FAF1: variants seen among roughly 807,000 people sequenced by gnomAD.
The protein encoded by FAF1 is FAS-associated factor 1.
Under a neutral mutation model 92.5 loss-of-function variants are expected in FAF1, and 25 were observed. The observed-to-expected ratio is 0.27, with a 90% CI of 0.20 to 0.38. The LOEUF (loss-of-function observed/expected upper bound fraction) is 0.38, where lower values mean the gene tolerates loss of function less well. Ranked by LOEUF, FAF1 falls within the 10% of genes least tolerant of loss-of-function variation. The pLI, the probability that FAF1 is intolerant of heterozygous loss-of-function variation, is 1.00. For synonymous variants in FAF1, 234 were observed against 273.2 expected (o/e 0.86, Z 1.42); for missense variants, 636 against 793.3 (o/e 0.80, Z 2.38).
chr1:50,875,702 C>T (rs1426948619), intron 1 of FAF1, among the ~76,000 whole-genome samples: 1 of 152,106 alleles, frequency 6.6e-6, no homozygotes, highest in African/African-American at 2.4e-5. Context: ...CCACCCCCCT[C>T]GGCCTTCCAA....
chr1:50,898,879 T>C (rs1166984439), intron 1 of FAF1, among the ~76,000 whole-genome samples: 1 of 152,232 alleles, frequency 6.6e-6, no homozygotes, highest in Admixed American at 6.5e-5. Flanking sequence ...CTTTGATATG[T>C]TGGTTTATGG....
intron 2 of FAF1, among the ~76,000 whole-genome samples, chr1:50,812,566 A>C (rs1643927563): frequency 6.6e-6 from 1 of 152,180 alleles, no homozygotes; most frequent in African/African-American, 2.4e-5. Context: ...TTAAATCTCT[A>C]AAAATAAAAG....
intron 2 of FAF1, among the ~76,000 whole-genome samples, chr1:50,810,028 C>T (rs1662356977): frequency 6.6e-6 from 1 of 151,948 alleles, no homozygotes; most frequent in Non-Finnish European, 1.5e-5. Context: ...GGCTGAGGCC[C>T]GTGGATCACA....
chr1:50,748,184 A>T (rs1659703329), intron 4 of FAF1, among the ~76,000 whole-genome samples: 1 of 152,190 alleles, frequency 6.6e-6, no homozygotes, highest in East Asian at 1.9e-4. Flanking sequence ...AACCAAAATA[A>T]GGAAGGATAC....
chr1:50,618,087 AT>A (rs1424495358), intron 8 of FAF1, among the ~76,000 whole-genome samples: 1 of 151,614 alleles, frequency 6.6e-6, no homozygotes, highest in East Asian at 1.9e-4. Context: ...AATCTTGCTT[AT>A]TTTTTCGAAG....
intron 13 of FAF1, among the ~76,000 whole-genome samples, chr1:50,559,038 G>A (rs1649733217): frequency 6.6e-6 from 1 of 152,174 alleles, no homozygotes; most frequent in Non-Finnish European, 1.5e-5. Context: ...ATCACCTGAG[G>A]TCAGGGGTTC....
Position 50,583,266 on chromosome 1 carries a change from GA to G in FAF1, c.1031+385del, listed in dbSNP as rs1651071115. 6.6e-6 allele frequency among the ~76,000 whole-genome samples: 1 copy of G among 151,454 alleles called. No individual in the cohort carries two copies. The highest frequency in any genetic ancestry group is 1.5e-5 in the Non-Finnish European group (1 of 67,738). On this transcript the variant is annotated intron_variant, in intron 11 of 18. Transcript: ENST00000396153. The surrounding 1 kb of genome is among the most constrained non-coding windows in gnomAD (Gnocchi z 4.2). ...GCAATTCCAAAAGAAAAAAATAAAG[GA>G]AAAAATTCACTTGGATTTAAAATGT...
chr1:50,584,437 T>C (rs1366291247), intron 10 of FAF1, among the ~76,000 whole-genome samples: 1 of 152,162 alleles, frequency 6.6e-6, no homozygotes, highest in African/African-American at 2.4e-5. Flanking sequence ...TAATTCATTA[T>C]ACATGTAAAA....
Position 50,713,033 on chromosome 1 carries a change from G to A in FAF1, c.552-7142C>T, listed in dbSNP as rs368985787. ...AAAAATTAGCCCAGCATGGTGGCAC[G>A]CGCCTGTAGTCCCAGCTACAGGAGG... is the stretch of plus-strand genomic sequence containing the variant. On this transcript the variant is annotated intron_variant, in intron 6 of 18. Coordinates refer to ENST00000396153, the MANE Select transcript of FAF1 (RefSeq NM_007051.3). 2.0e-4 allele frequency among the ~76,000 whole-genome samples: 30 copies of A among 151,258 alleles called. No homozygotes were observed. In the South Asian group the frequency reaches 4.9e-3, roughly 24 times the overall value.
intron 18 of FAF1, among the ~76,000 whole-genome samples, chr1:50,471,620 G>A (rs575247002): frequency 6.6e-6 from 1 of 152,214 alleles, no homozygotes; most frequent in East Asian, 1.9e-4. Context: ...GTCTGTTTGG[G>A]GATTCATATC....
chr1:50,519,303 T>C (rs1647365097), intron 15 of FAF1, among the ~76,000 whole-genome samples: 3 of 145,630 alleles, frequency 2.1e-5, no homozygotes, highest in African/African-American at 5.1e-5. Flanking sequence ...CACTCCAGCC[T>C]GGGTGACAGA....
In FAF1 at chr1:50,959,842, C is replaced by T; in HGVS notation, c.-31G>A. The T allele has an allele frequency of 1.3e-6, 2 of 1,529,002 alleles. No homozygotes were observed. The highest frequency in any genetic ancestry group is 1.8e-6 in the Non-Finnish European group (2 of 1,132,132). The allele number at this position is 1,529,002 out of a possible 1,614,324, so 94.7% of individuals were successfully genotyped here. A position where few individuals can be genotyped will look rare whatever the true frequency, so the allele number is the denominator to read the frequency against. ...CCGCCGAGTTCCGCGGCTCCGGGAG[C>T]GAAGCGCGCACCTGGGAGGCAGACG... On this transcript the variant is annotated 5_prime_UTR_variant, in exon 1 of 19. Transcript: ENST00000396153.
chr1:50,753,818 T>C (rs763912321), intron 4 of FAF1, among the ~76,000 whole-genome samples: 21 of 150,568 alleles, frequency 1.4e-4, no homozygotes, highest in Non-Finnish European at 2.7e-4. Context: ...AGTGTAGTGG[T>C]GCGATCTCGG....
intron 4 of FAF1, among the ~76,000 whole-genome samples, chr1:50,784,342 A>G (rs1026568765): frequency 1.3e-5 from 2 of 152,174 alleles, no homozygotes. Flanking sequence ...AAATTCATCA[A>G]TCTTTTATAA....
At chr1:50,890,190 C>CT (rs1383169391) in intron 1 of FAF1, among the ~76,000 whole-genome samples, 1 of 152,032 alleles carries the variant, frequency 6.6e-6, no homozygotes, top group African/African-American at 2.4e-5. Flanking sequence ...CAACCCCTGC[C>CT]TTTTTTTGCT....
intron 1 of FAF1, among the ~76,000 whole-genome samples, chr1:50,952,483 C>T (rs1341501590): frequency 6.6e-6 from 1 of 152,236 alleles, no homozygotes; most frequent in Non-Finnish European, 1.5e-5. Flanking sequence ...AGCCGCCTGC[C>T]TTGGCCTCCC....
chr1:50,706,131 T>C (rs1657664514), intron 6 of FAF1: 1 of 398,756 alleles, frequency 2.5e-6, no homozygotes, highest in South Asian at 7.4e-5. Flanking sequence ...ATGCTTTGTA[T>C]ACTTAAGAAT....
In FAF1 at chr1:50,475,680, C is replaced by T. The variant is rs1362614498; in HGVS notation, c.1654-1G>A. On this transcript the variant is annotated splice_acceptor_variant, in intron 17 of 18. Coordinates refer to ENST00000396153, the MANE Select transcript of FAF1 (RefSeq NM_007051.3). LOFTEE classifies it high-confidence loss of function. ...CTTGCTCTAAGGACAGCCGGATGGC[C>T]TAGGGAGAGCAAAAACCAGGTGTTA... is the stretch of plus-strand genomic sequence containing the variant. The T allele has an allele frequency of 1.2e-6, 2 of 1,606,594 alleles. No homozygotes were observed. The highest frequency in any genetic ancestry group is 1.7e-6 in the Non-Finnish European group (2 of 1,175,458).
intron 1 of FAF1, among the ~76,000 whole-genome samples, chr1:50,930,106 G>T (rs1178390008): frequency 1.3e-5 from 2 of 152,154 alleles, no homozygotes; most frequent in African/African-American, 4.8e-5. Flanking sequence ...ATCTGGGGGT[G>T]TAGTTAACAA....
Sources: gnomAD v4.1 joint callset for allele counts (sites outside exome capture counted in the v4.1 genomes callset) on GRCh38, gnomAD v4.1.1 for gene constraint, Gnocchi (gnomAD v3.1) non-coding constraint, MANE v1.5 for transcripts, NCBI Gene and HGNC (gene_info 2026-07-23, HGNC 2026-07-21) for gene names.